ANO2: variants seen among roughly 807,000 people sequenced by gnomAD.
ANO2 encodes the protein anoctamin-2.
A neutral mutation model predicts 124.2 loss-of-function variants in ANO2; 101 were observed. That is an observed-to-expected ratio of 0.81 (90% CI 0.69 to 0.96). The LOEUF (loss-of-function observed/expected upper bound fraction) is 0.96. Ranked by LOEUF, ANO2 falls within the 40% of genes least tolerant of loss-of-function variation. ANO2 has a pLI of 0.00. For missense variants in ANO2, 1,293 were observed against 1,274.5 expected, an observed-to-expected ratio of 1.01 and a Z score of -0.22; for synonymous variants, 486 against 482.5, an observed-to-expected ratio of 1.01 and a Z score of -0.09.
At chr12:5,776,862 T>A (rs1952246629) in intron 10 of ANO2, among the ~76,000 whole-genome samples, 1 of 152,176 alleles carries the variant, frequency 6.6e-6, no homozygotes, top group African/African-American at 2.4e-5. Flanking sequence ...TTGGCCTGAC[T>A]CTGGAGGTGT....
At chr12:5,714,653 T>C (rs993561657) in intron 14 of ANO2, among the ~76,000 whole-genome samples, 3 of 152,240 alleles carry the variant, frequency 2.0e-5, no homozygotes, top group African/African-American at 7.2e-5. Context: ...TCTTTCTCTT[T>C]ATTCTTCTCC....
chr12:5,638,237 CTT>C (rs35224024), intron 15 of ANO2, among the ~76,000 whole-genome samples: 4 of 124,834 alleles, frequency 3.2e-5, no homozygotes, highest in Non-Finnish European at 3.4e-5. Flanking sequence ...GTTTCTTTTC[CTT>C]TTTTTTTTTT....
At chr12:5,595,270 A>G (rs1218889606) in intron 20 of ANO2, among the ~76,000 whole-genome samples, 2 of 152,134 alleles carry the variant, frequency 1.3e-5, no homozygotes, top group African/African-American at 2.4e-5. Flanking sequence ...GCACAATCAT[A>G]GCTCACTGCA....
intron 10 of ANO2, among the ~76,000 whole-genome samples, chr12:5,794,667 G>T (rs1450068794): frequency 3.9e-5 from 6 of 152,060 alleles, no homozygotes; most frequent in African/African-American, 1.4e-4. Context: ...GAGAGCCCTC[G>T]CTATATCCGG....
intron 16 of ANO2, among the ~76,000 whole-genome samples, chr12:5,615,844 C>T (rs1174130965): frequency 1.3e-5 from 2 of 152,072 alleles, no homozygotes; most frequent in Non-Finnish European, 2.9e-5. Flanking sequence ...TCTGCATGTC[C>T]TGTGGGGAAC....
At chr12:5,825,763 T>C (rs920652688) in intron 7 of ANO2, among the ~76,000 whole-genome samples, 20 of 152,182 alleles carry the variant, frequency 1.3e-4, no homozygotes, top group African/African-American at 4.3e-4. Context: ...AGGGCATCTC[T>C]TAGTATTATC....
chr12:5,818,799 C>A (rs1205994621), intron 7 of ANO2, among the ~76,000 whole-genome samples: 1 of 152,076 alleles, frequency 6.6e-6, no homozygotes, highest in African/African-American at 2.4e-5. Flanking sequence ...AGATTAGTGA[C>A]TCTGTACATA....
intron 12 of ANO2, chr12:5,739,838 C>T (rs79278925): frequency 5.0e-5 from 23 of 455,618 alleles, no homozygotes; most frequent in East Asian, 4.2e-4. Context: ...CTGTCCCCAG[C>T]GCCACTTGCC....
chr12:5,679,103 G>C (rs1948383883), intron 14 of ANO2, among the ~76,000 whole-genome samples: 1 of 152,176 alleles, frequency 6.6e-6, no homozygotes, highest in Admixed American at 6.5e-5. Context: ...AATTAAGTAA[G>C]AGTCCTTCCT....
In ANO2 at chr12:5,647,781, G is replaced by A. The variant is rs778141572; in HGVS notation, c.1566C>T (p.Thr522=). ...GGTAACCTGGGAAACGATCCTTCCAGGTCAGTTTATCTTCATCATCCTGGG... is the reference window on the plus strand; with the variant it reads ...GGTAACCTGGGAAACGATCCTTCCAAGTCAGTTTATCTTCATCATCCTGGG... ...CGDEDDEDKL[T]WKDRFPGYLM... Residue 522 remains threonine, a synonymous_variant, in exon 15 of 25, where the codon ACC becomes ACT. Transcript: ENST00000682330. The A allele has an allele frequency of 6.2e-7, 1 of 1,610,084 alleles. No homozygotes were observed. Among genetic ancestry groups the A allele is most frequent in the Non-Finnish European group, 8.5e-7 (1 of 1,178,402 alleles).
intron 4 of ANO2, among the ~76,000 whole-genome samples, chr12:5,837,731 A>G (rs1219345204): frequency 1.3e-5 from 2 of 151,712 alleles, no homozygotes; most frequent in Non-Finnish European, 2.9e-5. Flanking sequence ...AGGGAAATTT[A>G]TAGCACTAAA....
At chr12:5,875,268 T>C (rs7973953) in intron 3 of ANO2, among the ~76,000 whole-genome samples, 66,847 of 152,082 alleles carry the variant, frequency 0.44, 15,238 homozygotes, top group South Asian at 0.59. Flanking sequence ...AAGGAGATCA[T>C]CACTAGGACA....
chr12:5,833,507 A>C (rs565859344), intron 4 of ANO2, among the ~76,000 whole-genome samples: 1 of 152,252 alleles, frequency 6.6e-6, no homozygotes, highest in African/African-American at 2.4e-5. Context: ...GTATAGCAGG[A>C]GTGATACTAT....
intron 19 of ANO2, among the ~76,000 whole-genome samples, chr12:5,605,299 T>C (rs1354067721): frequency 6.6e-6 from 1 of 152,214 alleles, no homozygotes; most frequent in Non-Finnish European, 1.5e-5. Flanking sequence ...CTCCCTCCCG[T>C]GTTGGCTTTA....
intron 10 of ANO2, among the ~76,000 whole-genome samples, chr12:5,790,494 A>G (rs1166067294): frequency 6.6e-6 from 1 of 152,148 alleles, no homozygotes; most frequent in Non-Finnish European, 1.5e-5. Context: ...GAATGCTTAA[A>G]TCCCAATCTT....
chr12:5,778,205 A>G (rs1375148075), intron 10 of ANO2, among the ~76,000 whole-genome samples: 1 of 152,208 alleles, frequency 6.6e-6, no homozygotes, highest in Non-Finnish European at 1.5e-5. Flanking sequence ...ATTATTTCCA[A>G]TCTTCACAAT....
intron 10 of ANO2, among the ~76,000 whole-genome samples, chr12:5,776,342 G>C (rs1443897163): frequency 6.6e-6 from 1 of 152,180 alleles, no homozygotes; most frequent in Non-Finnish European, 1.5e-5. Flanking sequence ...CAGGTCTTCG[G>C]CTACCATTGC....
At chr12:5,893,114 T>A (rs1314497589) in intron 3 of ANO2, among the ~76,000 whole-genome samples, 1 of 152,140 alleles carries the variant, frequency 6.6e-6, no homozygotes, top group Non-Finnish European at 1.5e-5. Context: ...GATCAAAGAC[T>A]GAAATCTAAG....
intron 1 of ANO2, among the ~76,000 whole-genome samples, chr12:5,933,587 A>G (rs1376971971): frequency 6.6e-6 from 1 of 152,144 alleles, no homozygotes; most frequent in Non-Finnish European, 1.5e-5. Context: ...ACCCTTTATA[A>G]AATTCACAAA....
Sources: allele counts gnomAD v4.1 joint callset (sites outside exome capture counted in the v4.1 genomes callset), GRCh38; gene constraint gnomAD v4.1.1; transcripts MANE v1.5; gene names NCBI Gene and HGNC (gene_info 2026-07-23, HGNC 2026-07-21).